The following CEP112 variants were observed in gnomAD, a reference collection of about 807,000 sequenced individuals.
CEP112 encodes the protein centrosomal protein of 112 kDa.
CEP112 carries 127 observed loss-of-function variants against 153.0 expected under a neutral mutation model. The observed-to-expected ratio is 0.83, with a 90% CI of 0.72 to 0.96. The LOEUF is 0.96. Among genes scored for constraint, CEP112 ranks in the 40% least tolerant of loss-of-function variants. CEP112 has a pLI of 0.00. For synonymous variants in CEP112, 358 were observed against 374.4 expected (o/e 0.96, Z 0.51); for missense variants, 1,089 against 1,101.2 (o/e 0.99, Z 0.16).
intron 16 of CEP112, among the ~76,000 whole-genome samples, chr17:66,011,717 A>G (rs1269633185): frequency 1.3e-5 from 2 of 152,218 alleles, no homozygotes; most frequent in East Asian, 3.9e-4. Flanking sequence ...TGTTATGTAG[A>G]TGTTATACAT....
intron 23 of CEP112, among the ~76,000 whole-genome samples, chr17:65,693,698 C>T (rs914436592): frequency 7.9e-5 from 12 of 152,048 alleles, no homozygotes; most frequent in Admixed American, 2.0e-4. Context: ...AAGGTGCTGG[C>T]GGGACTTCAA....
Position 66,132,759 on chromosome 17 carries a change from C to T in CEP112, c.475G>A (p.Glu159Lys). The T allele has an allele frequency of 6.2e-7, 1 of 1,611,188 alleles. No individual in the cohort carries two copies. The highest frequency in any genetic ancestry group is 8.5e-7 in the Non-Finnish European group (1 of 1,177,380). ...VQSPTDVYSR[E>K]QYTGKLRVRS... is the part of the protein sequence containing the mutation. ...ACTCGGAGCTTCCCAGTGTACTGTT[C>T]CCTGCTAAGAGACCAAAATAATCGC... is the stretch of plus-strand genomic sequence containing the variant. The change falls in exon 5 of 27, where the codon GAA becomes AAA. Residue 159 changes from glutamate (E) to lysine (K), a missense_variant. Physicochemically the swap from Glu to Lys is moderately conservative, Grantham distance 56. Coordinates refer to ENST00000535342, the MANE Select transcript of CEP112 (RefSeq NM_001199165.4).
intron 18 of CEP112, among the ~76,000 whole-genome samples, chr17:65,935,913 A>G (rs1479640360): frequency 2.0e-5 from 3 of 152,038 alleles, no homozygotes; most frequent in African/African-American, 7.2e-5. Flanking sequence ...ATCAGAGCAG[A>G]AAAAAATGAA....
chr17:65,784,555 G>C (rs1264155743), intron 21 of CEP112, among the ~76,000 whole-genome samples: 1 of 151,974 alleles, frequency 6.6e-6, no homozygotes, highest in Non-Finnish European at 1.5e-5. Flanking sequence ...ATCTTGGCTG[G>C]CTGCAACCTC....
chr17:66,002,309 T>C (rs1300536604), intron 17 of CEP112, among the ~76,000 whole-genome samples: 1 of 152,184 alleles, frequency 6.6e-6, no homozygotes, highest in Non-Finnish European at 1.5e-5. Context: ...AACTTTTCCA[T>C]TAACATCTCA....
chr17:66,177,175 C>T (rs772756543), intron 2 of CEP112, among the ~76,000 whole-genome samples, 155 bp from the exon 3 acceptor site: 6 of 152,192 alleles, frequency 3.9e-5, no homozygotes, highest in Non-Finnish European at 8.8e-5. Context: ...GCTTCACAGG[C>T]CATATGATCT....
chr17:66,008,966 T>C (rs565252942), intron 16 of CEP112, among the ~76,000 whole-genome samples: 33 of 152,348 alleles, frequency 2.2e-4, no homozygotes, highest in African/African-American at 7.5e-4. Context: ...ATTTTGGCTC[T>C]TGTGAATAGT....
At chr17:65,667,563 A>ACT (rs2046758881) in intron 24 of CEP112, among the ~76,000 whole-genome samples, 2 of 150,352 alleles carry the variant, frequency 1.3e-5, no homozygotes, top group African/African-American at 4.9e-5. Context: ...ACTCTTACAC[A>ACT]CACACACACA....
chr17:65,999,110 T>G (rs2063910440), intron 17 of CEP112, among the ~76,000 whole-genome samples: 1 of 152,222 alleles, frequency 6.6e-6, no homozygotes, highest in South Asian at 2.1e-4. Flanking sequence ...ATTCATCATT[T>G]CTTATAATAC....
chr17:65,721,587 A>G (rs2049890846), intron 23 of CEP112, among the ~76,000 whole-genome samples: 1 of 152,210 alleles, frequency 6.6e-6, no homozygotes, highest in Non-Finnish European at 1.5e-5. Context: ...AAATCATTTG[A>G]ACTAAATGGA....
chr17:66,035,006 A>ATTTTT (rs1308701767), intron 12 of CEP112, among the ~76,000 whole-genome samples: 5 of 83,714 alleles, frequency 6.0e-5, no homozygotes, highest in East Asian at 1.6e-3. Context: ...ATATATATAT[A>ATTTTT]TATTTTTTTT....
chr17:65,818,538 T>G (rs963150474), intron 21 of CEP112, among the ~76,000 whole-genome samples: 1 of 151,836 alleles, frequency 6.6e-6, no homozygotes, highest in African/African-American at 2.4e-5. Flanking sequence ...TTTCAAAAAT[T>G]ACAACAAATA....
At chr17:65,794,290 T>C (rs2054775448) in intron 21 of CEP112, among the ~76,000 whole-genome samples, 1 of 152,182 alleles carries the variant, frequency 6.6e-6, no homozygotes, top group Non-Finnish European at 1.5e-5. Context: ...AGGATAAATA[T>C]TCATTAAAAG....
At chr17:65,917,905 G>T (rs1161532795) in intron 19 of CEP112, among the ~76,000 whole-genome samples, 1 of 152,036 alleles carries the variant, frequency 6.6e-6, no homozygotes, top group Non-Finnish European at 1.5e-5. Context: ...GGCTGGGCGC[G>T]GTGGCTCACG....
At chr17:65,840,110 G>A (rs1379835137) in intron 21 of CEP112, among the ~76,000 whole-genome samples, 6 of 152,212 alleles carry the variant, frequency 3.9e-5, no homozygotes, top group African/African-American at 1.2e-4. Context: ...CGGGTTGATT[G>A]CAATCTGTAT....
At chr17:65,714,458 A>G (rs2049381364) in intron 23 of CEP112, among the ~76,000 whole-genome samples, 1 of 152,038 alleles carries the variant, frequency 6.6e-6, no homozygotes, top group South Asian at 2.1e-4. Context: ...TTAAATGAAG[A>G]TGAACATCTT....
chr17:65,943,860 G>T (rs2061572876), intron 18 of CEP112, among the ~76,000 whole-genome samples: 1 of 152,076 alleles, frequency 6.6e-6, no homozygotes, highest in Non-Finnish European at 1.5e-5. Flanking sequence ...TCAGTCATAG[G>T]TTTGGTCTTT....
intron 20 of CEP112, among the ~76,000 whole-genome samples, chr17:65,899,279 A>G (rs1029912016): frequency 1.3e-5 from 2 of 152,140 alleles, no homozygotes; most frequent in Non-Finnish European, 2.9e-5. Flanking sequence ...TAGATACCAG[A>G]CTGAACATCT....
chr17:65,635,746 C>T lies in CEP112; in HGVS notation c.*225G>A, dbSNP rs1308072002. The stretch of plus-strand genomic sequence containing the variant: ...CAGCACATACTCAAATGCACACAAA[C>T]ATGAAAATCGGAAATAAAGGAATGT... On this transcript the variant is annotated 3_prime_UTR_variant, in exon 27 of 27. Coordinates refer to ENST00000535342, the MANE Select transcript of CEP112 (RefSeq NM_001199165.4). The T allele has an allele frequency of 3.5e-6, 2 of 568,274 alleles. No homozygotes were observed. The highest frequency in any genetic ancestry group is 1.9e-5 in the African/African-American group (1 of 52,884). The allele number at this position is 568,274 out of a possible 1,614,324, so 35.2% of individuals were successfully genotyped here.
Sources: allele counts gnomAD v4.1 joint callset (sites outside exome capture counted in the v4.1 genomes callset), GRCh38; gene constraint gnomAD v4.1.1; transcripts MANE v1.5; gene names NCBI Gene and HGNC (gene_info 2026-07-23, HGNC 2026-07-21).